Variants in ICE1 observed in about 807,000 individuals in gnomAD.
ICE1 encodes the protein little elongation complex subunit 1.
A neutral mutation model predicts 192.7 loss-of-function variants in ICE1; 64 were observed. The observed-to-expected ratio is 0.33, with a 90% CI of 0.27 to 0.41. The LOEUF is 0.41. Ranked by LOEUF, ICE1 falls within the 10% of genes least tolerant of loss-of-function variation. The pLI is 1.00. For synonymous variants in ICE1, 1,010 were observed against 984.5 expected (o/e 1.03, Z -0.49); for missense variants, 2,708 against 2,696.0 (o/e 1.00, Z -0.10).
chr5:5,442,508 A>G (rs1318969268), intron 5 of ICE1, among the ~76,000 whole-genome samples: 1 of 152,244 alleles, frequency 6.6e-6, no homozygotes, highest in East Asian at 1.9e-4. Flanking sequence ...GAGAAGAAGC[A>G]TGAACATTGG....
In ICE1 at chr5:5,464,411, C is replaced by A. The variant is rs1307683066; in HGVS notation, c.5077C>A (p.Pro1693Thr). Reference protein sequence around the residue: ...PWPEDPRRASPPDPSPSPSAA... With the variant: ...PWPEDPRRASTPDPSPSPSAA... ...GCCAGAGGACCCCAGACGTGCCTCT[C>A]CTCCAGATCCTTCTCCATCTCCATC... The change falls in exon 13 of 19, where the codon CCT (proline) becomes ACT (threonine). Residue 1693 changes from proline to threonine, a missense_variant. By Grantham distance (38) the Pro-to-Thr change is conservative. Transcript: ENST00000296564. The surrounding 1 kb of genome is among the most constrained non-coding windows in gnomAD (Gnocchi z 4.0). 3 of 1,613,912 alleles carry A rather than the reference C, an allele frequency of 1.9e-6. No individual in the cohort carries two copies. Among genetic ancestry groups the A allele is most frequent in the Non-Finnish European group, 2.5e-6 (3 of 1,179,868 alleles).
At chr5:5,430,653 T>G (rs1737678429) in intron 1 of ICE1, among the ~76,000 whole-genome samples, 1 of 152,220 alleles carries the variant, frequency 6.6e-6, no homozygotes, top group Non-Finnish European at 1.5e-5. Context: ...AATAGTAGAC[T>G]CATTGCTGAC....
At position 5,437,130 on chromosome 5, in the gene ICE1, CT is replaced by C; in HGVS notation, c.178+21del. On this transcript the variant is annotated intron_variant, in intron 3 of 18. Transcript: ENST00000296564. ...AAATGTGATGATATCCTTTTACTGGCTTTTTCTGTTGAGTTTTGGAACTAAC... is the reference window on the plus strand; with the variant it reads ...AAATGTGATGATATCCTTTTACTGGCTTTTCTGTTGAGTTTTGGAACTAAC... 2 of 1,528,746 alleles carry C rather than the reference CT, an allele frequency of 1.3e-6. No individual in the cohort carries two copies. Among genetic ancestry groups the C allele is most frequent in the Non-Finnish European group, 1.8e-6 (2 of 1,122,140 alleles). The allele number at this position is 1,528,746 out of a possible 1,614,324, so 94.7% of individuals were successfully genotyped here. A position where few individuals can be genotyped will look rare whatever the true frequency, so the allele number is the denominator to read the frequency against.
chr5:5,458,362 A>C (rs1738648519), intron 12 of ICE1, among the ~76,000 whole-genome samples: 1 of 152,190 alleles, frequency 6.6e-6, no homozygotes, highest in African/African-American at 2.4e-5. Context: ...AGGTGACGAA[A>C]GATGCCATTG....
chr5:5,443,454 A>G (rs960215163), intron 6 of ICE1, among the ~76,000 whole-genome samples: 5 of 152,198 alleles, frequency 3.3e-5, no homozygotes, highest in African/African-American at 1.2e-4. Context: ...GGAACATTAA[A>G]TAAATTGTCA....
intron 1 of ICE1, among the ~76,000 whole-genome samples, chr5:5,424,753 G>C (rs2111324983): frequency 6.6e-6 from 1 of 152,298 alleles, no homozygotes; most frequent in African/African-American, 2.4e-5. Context: ...AAGCTCTGTA[G>C]AAATCTTGGA....
In ICE1 at chr5:5,457,378, T is replaced by C. The variant is rs1561085285; in HGVS notation, c.738T>C (p.Asp246=). ...CCAGCTCCAGAGTGCCTGGGGAAGA[T>C]GGTACGCTACCTCCAACACAGGGCA... ...AITSSRVPGE[D]GTLPPTQGSP... Residue 246 remains aspartate, a synonymous_variant, in exon 12 of 19, where the codon GAT becomes GAC. Coordinates refer to ENST00000296564, the MANE Select transcript of ICE1 (RefSeq NM_015325.3). The C allele has an allele frequency of 1.2e-6, 2 of 1,613,494 alleles. No homozygotes were observed. Among genetic ancestry groups the C allele is most frequent in the African/African-American group, 2.7e-5 (2 of 74,962 alleles).
chr5:5,473,567 G>C lies in ICE1; in HGVS notation c.6232G>C (p.Val2078Leu). Reference protein sequence around the residue: ...AFLNWEKNAPVDVGFMVSKLL... With the variant: ...AFLNWEKNAPLDVGFMVSKLL... ...TCTTTTCATTTGCTAGAATGCCCCG[G>C]TAGATGTTGGCTTCATGGTTTCTAA... The change falls in exon 16 of 19, where the codon GTA becomes CTA. Residue 2078 changes from valine to leucine, a missense_variant. Val to Leu is a conservative substitution (Grantham distance 32, BLOSUM62 1). This residue lies in a region of ICE1 where 342 missense variants were observed against 419.3 expected (regional missense o/e 0.82). Transcript: ENST00000296564. The C allele has an allele frequency of 6.2e-7, 1 of 1,609,332 alleles. No homozygotes were observed. Among genetic ancestry groups the C allele is most frequent in the East Asian group, 2.2e-5 (1 of 44,780 alleles).
chr5:5,454,145 T>C (rs1407886593), intron 10 of ICE1, among the ~76,000 whole-genome samples: 1 of 152,186 alleles, frequency 6.6e-6, no homozygotes, highest in East Asian at 1.9e-4. Context: ...GTAAAATACA[T>C]AGAGCCCAGA....
intron 17 of ICE1, among the ~76,000 whole-genome samples, chr5:5,483,013 G>C (rs147416702): frequency 6.6e-6 from 1 of 151,562 alleles, no homozygotes; most frequent in East Asian, 1.9e-4. Context: ...TTTTTGAGAC[G>C]GAGTTTCGCT....
chr5:5,440,002 C>G (rs1196745052), intron 4 of ICE1, 89 bp downstream of exon 4: 2 of 823,788 alleles, frequency 2.4e-6, no homozygotes, highest in African/African-American at 1.8e-5. Flanking sequence ...TTTTAAGCAG[C>G]TTTGAGCAAA....
Position 5,464,547 on chromosome 5 carries a change from A to G in ICE1, c.5213A>G (p.His1738Arg). The change falls in exon 13 of 19, where the codon CAC becomes CGC. Residue 1738 changes from histidine (H) to arginine (R), a missense_variant. By Grantham distance (29) the His-to-Arg change is conservative. Coordinates refer to ENST00000296564, the MANE Select transcript of ICE1 (RefSeq NM_015325.3). The surrounding 1 kb of genome is among the most constrained non-coding windows in gnomAD (Gnocchi z 4.0). Reference protein sequence around the residue: ...PGRLPPCASGHAAVGGPQENS... With the variant: ...PGRLPPCASGRAAVGGPQENS... ...CGACTCCCACCCTGTGCATCTGGCCACGCTGCTGTGGGAGGGCCTCAGGAG... is the reference window on the plus strand; with the variant it reads ...CGACTCCCACCCTGTGCATCTGGCCGCGCTGCTGTGGGAGGGCCTCAGGAG... 6.2e-7 allele frequency: 1 copy of G among 1,613,758 alleles called. No homozygotes were observed. The highest frequency in any genetic ancestry group is 8.5e-7 in the Non-Finnish European group (1 of 1,179,790).
Position 5,464,277 on chromosome 5 carries a change from A to G in ICE1, c.4943A>G (p.Gln1648Arg). The G allele has an allele frequency of 6.2e-7, 1 of 1,613,522 alleles. No homozygotes were observed. The highest frequency in any genetic ancestry group is 8.5e-7 in the Non-Finnish European group (1 of 1,179,788). The part of the protein sequence containing the change: ...PLIATPPRTS[Q>R]PLSPLISSSS... ...ATAGCTACACCTCCAAGGACTTCAC[A>G]GCCACTGTCTCCACTGATATCGAGT... Residue 1648 changes from glutamine (Q) to arginine (R), a missense_variant, in exon 13 of 19, where the codon CAG becomes CGG. Gln to Arg is a conservative substitution (Grantham distance 43). Transcript: ENST00000296564. The surrounding 1 kb of genome is among the most constrained non-coding windows in gnomAD (Gnocchi z 4.0).
chr5:5,478,083 C>T (rs1739370668), intron 17 of ICE1, among the ~76,000 whole-genome samples: 1 of 152,244 alleles, frequency 6.6e-6, no homozygotes, highest in East Asian at 1.9e-4. Context: ...GATGCCCTCT[C>T]TTACCACTCC....
rs1027720266 is a variant in ICE1 at position 5,489,420 on chromosome 5, A to C, written c.*90A>C. ...CTTTCAGAATACAAAGGGAGGTTTC[A>C]AAACAAAAAGACATAAAATAGATAA... is the stretch of plus-strand genomic sequence containing the variant. On this transcript the variant is annotated 3_prime_UTR_variant, in exon 19 of 19. Coordinates refer to ENST00000296564, the MANE Select transcript of ICE1 (RefSeq NM_015325.3). The C allele has an allele frequency of 5.2e-5, 62 of 1,197,306 alleles. No homozygotes were observed. The highest frequency in any genetic ancestry group is 7.0e-5 in the Non-Finnish European group (61 of 872,628). The allele number at this position is 1,197,306 out of a possible 1,614,324, so 74.2% of individuals were successfully genotyped here.
chr5:5,482,314 A>AT (rs939398810), intron 17 of ICE1, among the ~76,000 whole-genome samples: 2 of 152,230 alleles, frequency 1.3e-5, no homozygotes, highest in Non-Finnish European at 2.9e-5. Context: ...ATACAATACA[A>AT]TTATATGTTA....
intron 17 of ICE1, among the ~76,000 whole-genome samples, chr5:5,477,709 G>A (rs1739359493): frequency 1.3e-5 from 2 of 152,116 alleles, no homozygotes; most frequent in Non-Finnish European, 2.9e-5. Context: ...AACGTCTCCA[G>A]TGAACATCGA....
At chr5:5,431,577 A>C (rs1737712327) in intron 1 of ICE1, among the ~76,000 whole-genome samples, 1 of 152,198 alleles carries the variant, frequency 6.6e-6, no homozygotes, top group Non-Finnish European at 1.5e-5. Context: ...GCCCTTTGCC[A>C]TTTCGAAGGC....
chr5:5,443,921 G>A (rs568850964), intron 6 of ICE1, among the ~76,000 whole-genome samples: 1 of 152,102 alleles, frequency 6.6e-6, no homozygotes, highest in Non-Finnish European at 1.5e-5. Flanking sequence ...CACTGTTAAC[G>A]CTATGCATGC....
Sources: allele counts gnomAD v4.1 joint callset (sites outside exome capture counted in the v4.1 genomes callset), GRCh38; gene constraint gnomAD v4.1.1; regional missense constraint gnomAD v4.1.1; non-coding constraint Gnocchi (gnomAD v3.1); transcripts MANE v1.5; gene names NCBI Gene and HGNC (gene_info 2026-07-23, HGNC 2026-07-21).